Variants in SCN11A observed in about 807,000 individuals in gnomAD.
SCN11A encodes the protein sodium channel protein type 11 subunit alpha.
SCN11A carries 122 observed loss-of-function variants against 162.2 expected under a neutral mutation model. The observed-to-expected ratio is 0.75, with a 90% confidence interval of 0.65 to 0.87. The LOEUF is 0.87. Ranked by LOEUF, SCN11A falls within the 40% of genes least tolerant of loss-of-function variation. The pLI is 0.00. For synonymous variants in SCN11A, 758 were observed against 751.5 expected (o/e 1.01, Z -0.14); for missense variants, 2,015 against 2,181.6 (o/e 0.92, Z 1.52).
chr3:38,954,969 C>T (rs894328854), intron 3 of SCN11A, among the ~76,000 whole-genome samples: 1 of 152,092 alleles, frequency 6.6e-6, no homozygotes, highest in Non-Finnish European at 1.5e-5. Flanking sequence ...GCCTGGGTAA[C>T]CCAGCCAGAC....
chr3:38,925,953 G>A lies in SCN11A; in HGVS notation c.618-444C>T, dbSNP rs531987195. On this transcript the variant is annotated intron_variant, in intron 8 of 29. Coordinates refer to ENST00000302328, the MANE Select transcript of SCN11A (RefSeq NM_001349253.2). ...CTGTGCTTCACCACCTTTCAATAAC[G>A]AAGAGCACACAATCTTTGAACTTCA... 3.3e-5 allele frequency among the ~76,000 whole-genome samples: 5 copies of A among 152,198 alleles called. No individual in the cohort carries two copies. The South Asian group carries it at 1.0e-3, about 32-fold the overall frequency.
At chr3:38,952,628 A>C (rs1293256122) in intron 4 of SCN11A, among the ~76,000 whole-genome samples, 1 of 152,238 alleles carries the variant, frequency 6.6e-6, no homozygotes, top group Non-Finnish European at 1.5e-5. Flanking sequence ...TACAGAGAGA[A>C]GTAGTGGGGC....
rs767683123 is a variant in SCN11A, at chr3:38,897,175, A to C, written c.2073T>G (p.Ile691Met). The C allele has an allele frequency of 4.3e-6, 7 of 1,614,098 alleles. No homozygotes were observed. The South Asian group carries it at 7.7e-5, about 18-fold the overall frequency. Residue 691 changes from isoleucine (I) to methionine (M), a missense_variant, in exon 18 of 30, where the codon ATT (isoleucine) becomes ATG (methionine). By Grantham distance (10) the Ile-to-Met change is conservative. Coordinates refer to ENST00000302328, the MANE Select transcript of SCN11A (RefSeq NM_001349253.2). ...AKSWPTLNTL[I>M]KIIGNSVGAL... ...CTCCGACAGAGTTGCCGATTATCTT[A>C]ATTAGTGTGTTCAAAGTTGGCCAGG... is the stretch of plus-strand genomic sequence containing the variant.
chr3:38,950,275 G>A lies in SCN11A; in HGVS notation c.88C>T (p.Arg30Trp), dbSNP rs761199291. ...TSDSLAAIEKRIAIQKEKKKS... is the reference protein window; with the variant it reads ...TSDSLAAIEKWIAIQKEKKKS... ...TTTTTCTCCTTTTGGATGGCAATCC[G>A]CTTCTCAATTGCAGCCAGAGAGTCG... Residue 30 changes from arginine (R) to tryptophan (W), a missense_variant, in exon 5 of 30, where the codon CGG becomes TGG. By Grantham distance (101) the Arg-to-Trp change is moderately radical. Coordinates refer to ENST00000302328, the MANE Select transcript of SCN11A (RefSeq NM_001349253.2). 8.1e-6 allele frequency: 13 copies of A among 1,613,840 alleles called. No homozygotes were observed. In the African/African-American group the frequency reaches 9.4e-5, roughly 12 times the overall value.
At chr3:38,977,493 A>G (rs2125589142) in intron 2 of SCN11A, among the ~76,000 whole-genome samples, 1 of 152,350 alleles carries the variant, frequency 6.6e-6, no homozygotes, top group Admixed American at 6.5e-5. Context: ...TGAAGAGTCA[A>G]TATTTGAAAA....
chr3:38,896,455 G>C (rs1343224214), intron 18 of SCN11A, among the ~76,000 whole-genome samples: 2 of 152,098 alleles, frequency 1.3e-5, no homozygotes, highest in East Asian at 1.9e-4. Context: ...GAAGTAAAAC[G>C]ATCATTTTTT....
chr3:38,914,385 T>A (rs1456406412), intron 11 of SCN11A, among the ~76,000 whole-genome samples: 1 of 152,198 alleles, frequency 6.6e-6, no homozygotes, highest in African/African-American at 2.4e-5. Context: ...AAGGAGCTTT[T>A]GAGCTGAGAT....
At chr3:39,006,615 C>T (rs1284830331) in intron 2 of SCN11A, among the ~76,000 whole-genome samples, 1 of 152,062 alleles carries the variant, frequency 6.6e-6, no homozygotes, top group Non-Finnish European at 1.5e-5. Flanking sequence ...TTATCGAAGT[C>T]TTCAGGGTAC....
chr3:39,049,122 A>G (rs1177153183), intron 1 of SCN11A, among the ~76,000 whole-genome samples: 1 of 152,280 alleles, frequency 6.6e-6, no homozygotes, highest in Non-Finnish European at 1.5e-5. Flanking sequence ...ACAGCAATAG[A>G]TAAAAGGAAC....
At chr3:38,944,424 T>C (rs2066485026) in intron 7 of SCN11A, among the ~76,000 whole-genome samples, 1 of 151,814 alleles carries the variant, frequency 6.6e-6, no homozygotes, top group African/African-American at 2.4e-5. Context: ...CCTCCCAGGT[T>C]CATGCCATTC....
At chr3:38,896,744 GAAT>G (rs2065602707) in intron 18 of SCN11A, 98 bp downstream of exon 18, 2 of 954,804 alleles carry the variant, frequency 2.1e-6, no homozygotes, top group South Asian at 2.6e-5. Context: ...ATTATATTTA[GAAT>G]AATAATTTTT....
chr3:38,893,624 C>T (rs11927309), intron 19 of SCN11A, among the ~76,000 whole-genome samples: 13,939 of 152,126 alleles, frequency 0.092, 879 homozygotes, highest in Non-Finnish European at 0.13. Flanking sequence ...TGCCACAAAA[C>T]AAGCCTCAAA....
In SCN11A at chr3:38,905,266, A is replaced by G. The variant is rs2065774892; in HGVS notation, c.1529T>C (p.Phe510Ser). The G allele has an allele frequency of 6.2e-7, 1 of 1,613,986 alleles. No individual in the cohort carries two copies. Among genetic ancestry groups the G allele is most frequent in the African/African-American group, 1.3e-5 (1 of 74,922 alleles). Residue 510 changes from phenylalanine to serine, a missense_variant, in exon 15 of 30, where the codon TTT becomes TCT. By Grantham distance (155) the Phe-to-Ser change is radical. Transcript: ENST00000302328. The stretch of plus-strand genomic sequence containing the variant: ...TTGGAGAGGATCTCCATGCTCATCA[A>G]AGTGGTCCAGTGATAGATTCTGGGA... Reference protein sequence around the residue: ...RLSQNLSLDHFDEHGDPLQRQ... With the variant: ...RLSQNLSLDHSDEHGDPLQRQ...
chr3:39,046,034 AG>A (rs1194339507), intron 1 of SCN11A, among the ~76,000 whole-genome samples: 1 of 152,174 alleles, frequency 6.6e-6, no homozygotes, highest in Non-Finnish European at 1.5e-5. Flanking sequence ...CCTAAGCAGG[AG>A]GAACACTTGA....
Position 38,918,360 on chromosome 3 carries a change from G to C in SCN11A, c.959+1575C>G, listed in dbSNP as rs543176072. ...GCTGTACAGCAAGTGAGCAGCAGGC[G>C]AGTGAGCATTACACCTGATCTCCAC... On this transcript the variant is annotated intron_variant, in intron 11 of 29. Transcript: ENST00000302328. Among the ~76,000 whole-genome samples, 5 of 152,282 alleles carry C rather than the reference G, an allele frequency of 3.3e-5. No homozygotes were observed. The East Asian group carries it at 9.6e-4, about 29-fold the overall frequency.
chr3:38,852,361 C>T (rs2064796184), intron 28 of SCN11A, among the ~76,000 whole-genome samples: 1 of 152,044 alleles, frequency 6.6e-6, no homozygotes, highest in African/African-American at 2.4e-5. Flanking sequence ...AGGTGCACTC[C>T]AGGGAAGCGG....
rs554177592 is a variant in SCN11A at position 38,846,453 on chromosome 3, C to T, written c.*241G>A. Reference sequence around the variant, plus strand: ...TAAAATTGGTATGTCCTTTTACAGTCCTTCCTGGTGTCTTCTTCCTTATTA... The same window carrying T: ...TAAAATTGGTATGTCCTTTTACAGTTCTTCCTGGTGTCTTCTTCCTTATTA... On this transcript the variant is annotated 3_prime_UTR_variant, in exon 30 of 30. Transcript: ENST00000302328. 4.6e-4 allele frequency: 233 copies of T among 506,732 alleles called. 1 individual carries two copies. The South Asian group carries it at 5.9e-3, about 13-fold the overall frequency. The allele number at this position is 506,732 out of a possible 1,614,324, so 31.4% of individuals were successfully genotyped here.
rs571157635 is a variant in SCN11A at position 38,951,581 on chromosome 3, T to C, written c.-7-1212A>G. ...CAGGCAGCTCCACCTGCGGCCCCGG[T>C]GCGGGATCCACTGGGTGAAGCCAGC... On this transcript the variant is annotated intron_variant, in intron 4 of 29. Coordinates refer to ENST00000302328, the MANE Select transcript of SCN11A (RefSeq NM_001349253.2). Among the ~76,000 whole-genome samples the C allele has an allele frequency of 3.3e-4, 51 of 152,354 alleles. No homozygotes were observed. The South Asian group carries it at 9.9e-3, about 30-fold the overall frequency.
In SCN11A at chr3:38,958,495, A is replaced by C. The variant is rs546086489; in HGVS notation, c.-139+1788T>G. Among the ~76,000 whole-genome samples the C allele has an allele frequency of 1.9e-3, 290 of 152,266 alleles. 2 individuals carry two copies. Among genetic ancestry groups the C allele is most frequent in the African/African-American group, 6.3e-3 (263 of 41,544 alleles). On this transcript the variant is annotated intron_variant, in intron 3 of 29. Coordinates refer to ENST00000302328, the MANE Select transcript of SCN11A (RefSeq NM_001349253.2). The stretch of plus-strand genomic sequence containing the variant: ...AAAGTCCCTTTAATAAAATATCCTC[A>C]CAATGTCCAATTTGAGCTTGCCATC...
Sources: gnomAD v4.1 joint callset for allele counts (sites outside exome capture counted in the v4.1 genomes callset) on GRCh38, gnomAD v4.1.1 for gene constraint, MANE v1.5 for transcripts, NCBI Gene and HGNC (gene_info 2026-07-23, HGNC 2026-07-21) for gene names.